The following ACBD6 variants were observed in gnomAD, a reference collection of about 807,000 sequenced individuals.
ACBD6 encodes acyl-CoA-binding domain-containing protein 6.
In ACBD6, 28 loss-of-function variants were observed where a neutral mutation model predicts 37.2. The observed-to-expected ratio is 0.75, with a 90% CI of 0.56 to 1.03. The LOEUF (loss-of-function observed/expected upper bound fraction) is 1.03, where lower values mean the gene tolerates loss of function less well. Among genes scored for constraint, ACBD6 ranks in the 50% least tolerant of loss-of-function variants. The pLI is 0.00. For synonymous variants in ACBD6, 113 were observed against 126.8 expected (o/e 0.89, Z 0.73); for missense variants, 340 against 337.4 (o/e 1.01, Z -0.06).
At chr1:180,406,363 A>T (rs1168921311) in intron 5 of ACBD6, among the ~76,000 whole-genome samples, 1 of 152,282 alleles carries the variant, frequency 6.6e-6, no homozygotes, top group African/African-American at 2.4e-5. Context: ...GTTGCTAAAA[A>T]GTTTCAGATT....
intron 6 of ACBD6, among the ~76,000 whole-genome samples, chr1:180,315,445 G>A (rs1424109490): frequency 6.6e-6 from 1 of 152,190 alleles, no homozygotes; most frequent in Non-Finnish European, 1.5e-5. Context: ...AAGTACACAA[G>A]TGAAAAGCAC....
chr1:180,363,681 A>C (rs922818610), intron 6 of ACBD6, among the ~76,000 whole-genome samples: 3 of 94,294 alleles, frequency 3.2e-5, no homozygotes, highest in Non-Finnish European at 7.0e-5. Context: ...CTTGCCAATC[A>C]GAGTAAGCAG....
intron 7 of ACBD6, among the ~76,000 whole-genome samples, chr1:180,291,532 C>CT (rs752091100): frequency 3.3e-5 from 5 of 152,074 alleles, no homozygotes; most frequent in African/African-American, 7.2e-5. Context: ...CTGTTCAAAT[C>CT]TTTTGTTCAT....
At position 180,501,646 on chromosome 1, in the gene ACBD6, C is replaced by A. The variant is rs564776746; in HGVS notation, c.222+399G>T. Among the ~76,000 whole-genome samples, 52 of 152,320 alleles carry A rather than the reference C, an allele frequency of 3.4e-4. No homozygotes were observed. The South Asian group carries it at 0.011, about 31-fold the overall frequency. The stretch of plus-strand genomic sequence containing the variant: ...CATCACATTATTACAATCCTATTAT[C>A]TTTTTGGATCTCTATATAGTTTTAT... On this transcript the variant is annotated intron_variant, in intron 1 of 7. Coordinates refer to ENST00000367595, the MANE Select transcript of ACBD6 (RefSeq NM_032360.4).
At chr1:180,477,150 G>T (rs1008607477) in intron 3 of ACBD6, among the ~76,000 whole-genome samples, 1 of 152,096 alleles carries the variant, frequency 6.6e-6, no homozygotes, top group Non-Finnish European at 1.5e-5. Context: ...TATGGAGTGG[G>T]ACAGGAGAGA....
chr1:180,423,229 C>G (rs1648444978), intron 4 of ACBD6, among the ~76,000 whole-genome samples: 1 of 152,136 alleles, frequency 6.6e-6, no homozygotes, highest in African/African-American at 2.4e-5. Context: ...AATATATTTA[C>G]TGAAAAACAT....
chr1:180,465,512 CAG>C (rs1247492618), intron 3 of ACBD6, among the ~76,000 whole-genome samples: 2 of 152,118 alleles, frequency 1.3e-5, no homozygotes, highest in Non-Finnish European at 2.9e-5. Context: ...CAAACAAAAT[CAG>C]ATGCTGGTGA....
intron 6 of ACBD6, among the ~76,000 whole-genome samples, chr1:180,362,296 G>A (rs1384595155): frequency 6.6e-6 from 1 of 152,174 alleles, no homozygotes; most frequent in Non-Finnish European, 1.5e-5. Context: ...CAGATGGTAT[G>A]AGATTCAACA....
At chr1:180,270,978 A>G in exon 14 of ACBD6, 1 of 310,218 alleles carries the variant, frequency 3.2e-6, no homozygotes, top group East Asian at 8.3e-5. Context: ...ATCTGGGGCG[A>G]CTTTGAACAT....
chr1:180,428,367 T>TATAG lies in ACBD6; in HGVS notation c.467+1809_467+1812dup, dbSNP rs1460163672. ...CAAATATTCCAATGTTTTCTGTCAT[T>TATAG]ATAGGTTCATAATAAATGTGTGTTG... On this transcript the variant is annotated intron_variant, in intron 4 of 7. Coordinates refer to ENST00000367595, the MANE Select transcript of ACBD6 (RefSeq NM_032360.4). Among the ~76,000 whole-genome samples the TATAG allele has an allele frequency of 2.6e-5, 4 of 152,356 alleles. No individual in the cohort carries two copies. In the South Asian group the frequency reaches 8.3e-4, roughly 32 times the overall value.
intron 6 of ACBD6, among the ~76,000 whole-genome samples, chr1:180,367,061 T>C (rs936304190): frequency 3.3e-5 from 5 of 152,224 alleles, no homozygotes; most frequent in African/African-American, 1.2e-4. Flanking sequence ...CAGATTCCTG[T>C]AAGGATAAAA....
chr1:180,403,186 TAAAAG>T (rs941259012), intron 5 of ACBD6, among the ~76,000 whole-genome samples: 5 of 152,064 alleles, frequency 3.3e-5, no homozygotes, highest in African/African-American at 1.2e-4. Flanking sequence ...TTTTTGGGAT[TAAAAG>T]AAAACAGTGG....
chr1:180,431,619 C>G (rs188855662), intron 3 of ACBD6, among the ~76,000 whole-genome samples: 7 of 152,220 alleles, frequency 4.6e-5, no homozygotes, highest in Admixed American at 2.6e-4. Flanking sequence ...TCATTATAAG[C>G]TGAGGAACGT....
intron 3 of ACBD6, among the ~76,000 whole-genome samples, chr1:180,439,603 A>T (rs1319969343): frequency 1.3e-5 from 2 of 152,090 alleles, no homozygotes; most frequent in East Asian, 3.8e-4. Flanking sequence ...AAAAAAAAAA[A>T]TACTGGGGAG....
intron 3 of ACBD6, among the ~76,000 whole-genome samples, chr1:180,443,312 C>T (rs1192188187): frequency 6.6e-6 from 1 of 152,170 alleles, no homozygotes; most frequent in Admixed American, 6.5e-5. Context: ...TGGTAGGAAA[C>T]AAAATATTCT....
chr1:180,368,108 G>C (rs4281291), intron 6 of ACBD6, among the ~76,000 whole-genome samples: 133,836 of 152,194 alleles, frequency 0.88, 59,485 homozygotes, highest in East Asian at 0.98. Context: ...ACGGTATCTT[G>C]TGGGTTTGAT....
intron 6 of ACBD6, among the ~76,000 whole-genome samples, chr1:180,375,740 A>AC (rs1240262187): frequency 6.6e-6 from 1 of 152,214 alleles, no homozygotes; most frequent in African/African-American, 2.4e-5. Flanking sequence ...AAACTATGAA[A>AC]CCATACGAGT....
intron 3 of ACBD6, among the ~76,000 whole-genome samples, chr1:180,444,780 ACT>A (rs1422516753): frequency 6.6e-6 from 1 of 152,144 alleles, no homozygotes; most frequent in Non-Finnish European, 1.5e-5. Flanking sequence ...ATTGCCTGAG[ACT>A]CTATTAGTTG....
intron 3 of ACBD6, among the ~76,000 whole-genome samples, chr1:180,454,127 C>G (rs1649819645): frequency 6.6e-6 from 1 of 152,160 alleles, no homozygotes; most frequent in African/African-American, 2.4e-5. Flanking sequence ...TCAAACTATA[C>G]TACAAGGCTA....
Sources: gnomAD v4.1 joint callset for allele counts (sites outside exome capture counted in the v4.1 genomes callset) on GRCh38, gnomAD v4.1.1 for gene constraint, MANE v1.5 for transcripts, NCBI Gene and HGNC (gene_info 2026-07-23, HGNC 2026-07-21) for gene names.